Variants in SEL1L2 observed in about 807,000 individuals in gnomAD.
SEL1L2 encodes the protein protein sel-1 homolog 2.
A neutral mutation model predicts 98.8 loss-of-function variants in SEL1L2; 89 were observed. The observed-to-expected ratio is 0.90, with a 90% CI of 0.76 to 1.07. The LOEUF is 1.07. Ranked by LOEUF, SEL1L2 falls within the 50% of genes least tolerant of loss-of-function variation. SEL1L2 has a pLI of 0.00. For synonymous variants in SEL1L2, 262 were observed against 278.5 expected (o/e 0.94, Z 0.59); for missense variants, 788 against 812.0 (o/e 0.97, Z 0.36).
chr20:13,859,649 T>C (rs897160253), intron 17 of SEL1L2, among the ~76,000 whole-genome samples: 1 of 152,226 alleles, frequency 6.6e-6, no homozygotes, highest in African/African-American at 2.4e-5. Context: ...CTGTTTTCAT[T>C]ATAGCGTAAC....
chr20:13,915,147 G>A (rs967110360), intron 4 of SEL1L2: 2 of 1,289,738 alleles, frequency 1.6e-6, no homozygotes, highest in South Asian at 2.5e-5. Flanking sequence ...TCCATGCTGA[G>A]GCTAAAATAA....
intron 18 of SEL1L2, among the ~76,000 whole-genome samples, chr20:13,857,749 G>C (rs1246191819): frequency 6.6e-6 from 1 of 152,156 alleles, no homozygotes; most frequent in Non-Finnish European, 1.5e-5. Flanking sequence ...GTAGAGAAAG[G>C]CTTTAATCTT....
In SEL1L2 at chr20:13,938,994, A is replaced by T. The variant is rs368716991; in HGVS notation, c.115-7223T>A. 4.5e-5 allele frequency among the ~76,000 whole-genome samples: 6 copies of T among 132,602 alleles called. No individual in the cohort carries two copies. The East Asian group carries it at 8.7e-4, about 19-fold the overall frequency. The allele number at this position is 132,602 out of a possible 152,430, so 87.0% of individuals were successfully genotyped here. Reference sequence around the variant, plus strand: ...GAAATCAGTAAACATCATTTGTTTTATTGAAATATAGTGGGTTTTTTCTTT... The same window carrying T: ...GAAATCAGTAAACATCATTTGTTTTTTTGAAATATAGTGGGTTTTTTCTTT... On this transcript the variant is annotated intron_variant, in intron 2 of 19. Transcript: ENST00000284951.
intron 5 of SEL1L2, among the ~76,000 whole-genome samples, chr20:13,909,083 T>C (rs2048106480): frequency 6.6e-6 from 1 of 152,214 alleles, no homozygotes; most frequent in African/African-American, 2.4e-5. Context: ...GTAGATGTCT[T>C]CATTCTCTCT....
intron 1 of SEL1L2, among the ~76,000 whole-genome samples, chr20:13,987,311 GTTTT>G (rs67919960): frequency 9.5e-4 from 125 of 132,218 alleles, no homozygotes; most frequent in Non-Finnish European, 1.4e-3. Context: ...TTAATTTACT[GTTTT>G]TTTTTTTTTT....
intron 5 of SEL1L2, among the ~76,000 whole-genome samples, chr20:13,900,217 A>T (rs1339040832): frequency 2.0e-5 from 3 of 152,070 alleles, no homozygotes; most frequent in Non-Finnish European, 2.9e-5. Flanking sequence ...GGAGGAACTG[A>T]TTTATATTTT....
intron 10 of SEL1L2, among the ~76,000 whole-genome samples, chr20:13,881,159 G>A (rs1319437526): frequency 6.6e-6 from 1 of 152,210 alleles, no homozygotes; most frequent in African/African-American, 2.4e-5. Context: ...GACTACAGGC[G>A]TGCACCACCA....
intron 17 of SEL1L2, among the ~76,000 whole-genome samples, chr20:13,864,296 T>TC (rs1413025051): frequency 6.6e-6 from 1 of 152,230 alleles, no homozygotes; most frequent in Non-Finnish European, 1.5e-5. Flanking sequence ...TTCCTATGCT[T>TC]CATATTAGTG....
chr20:13,906,014 A>T (rs1245976875), intron 5 of SEL1L2, among the ~76,000 whole-genome samples: 2 of 151,602 alleles, frequency 1.3e-5, no homozygotes, highest in Non-Finnish European at 2.9e-5. Flanking sequence ...GGCTGGGATT[A>T]CAAGCATGCA....
At chr20:13,950,475 G>A (rs1393257860) in intron 2 of SEL1L2, among the ~76,000 whole-genome samples, 1 of 152,098 alleles carries the variant, frequency 6.6e-6, no homozygotes, top group Non-Finnish European at 1.5e-5. Context: ...GGGGAACAAT[G>A]AGCAGTAAAA....
At chr20:13,860,742 T>G (rs980713729) in intron 17 of SEL1L2, among the ~76,000 whole-genome samples, 1 of 152,150 alleles carries the variant, frequency 6.6e-6, no homozygotes, top group African/African-American at 2.4e-5. Context: ...TGACCTTGTT[T>G]CGTTCCATTG....
chr20:13,871,740 A>C (rs1389691449), intron 12 of SEL1L2, among the ~76,000 whole-genome samples: 1 of 150,442 alleles, frequency 6.6e-6, no homozygotes, highest in Non-Finnish European at 1.5e-5. Context: ...TCAAACTCCT[A>C]GCCTCAAGTG....
At chr20:13,885,587 C>T (rs2046912482) in intron 9 of SEL1L2, among the ~76,000 whole-genome samples, 184 bp from the exon 10 acceptor site, 1 of 152,192 alleles carries the variant, frequency 6.6e-6, no homozygotes, top group South Asian at 2.1e-4. Context: ...GGACATATGG[C>T]TTCCTTAGTG....
chr20:13,983,279 TC>T (rs917109459), intron 1 of SEL1L2, among the ~76,000 whole-genome samples: 11 of 151,886 alleles, frequency 7.2e-5, no homozygotes, highest in African/African-American at 2.7e-4. Flanking sequence ...AATAGTTATG[TC>T]CCCCTCAATA....
intron 1 of SEL1L2, among the ~76,000 whole-genome samples, chr20:13,969,901 C>T (rs1434225824): frequency 6.6e-6 from 1 of 152,148 alleles, no homozygotes; most frequent in Non-Finnish European, 1.5e-5. Context: ...CCTTCAATGA[C>T]CCATCATCCG....
At chr20:13,882,231 T>C (rs13044291) in intron 10 of SEL1L2, among the ~76,000 whole-genome samples, 13,548 of 152,240 alleles carry the variant, frequency 0.089, 705 homozygotes, top group African/African-American at 0.14. Context: ...ACTGGATTTA[T>C]CTTTGTATCT....
chr20:13,925,279 T>C (rs541650891), intron 3 of SEL1L2, among the ~76,000 whole-genome samples: 3 of 152,362 alleles, frequency 2.0e-5, no homozygotes, highest in African/African-American at 7.2e-5. Context: ...TGAGTTTCTG[T>C]TGCTTCTGTC....
upstream of SEL1L2, among the ~76,000 whole-genome samples, chr20:13,991,308 T>C (rs1241697383): frequency 1.3e-5 from 2 of 152,262 alleles, no homozygotes; most frequent in Non-Finnish European, 2.9e-5. Flanking sequence ...AGACATTTTA[T>C]TGTTTTGAAT....
intron 2 of SEL1L2, among the ~76,000 whole-genome samples, chr20:13,936,925 A>G (rs1006659622): frequency 5.9e-5 from 9 of 152,138 alleles, no homozygotes; most frequent in African/African-American, 1.9e-4. Flanking sequence ...AAATCAAACC[A>G]CTTTGTACAA....
Sources: gnomAD v4.1 joint callset for allele counts (sites outside exome capture counted in the v4.1 genomes callset) on GRCh38, gnomAD v4.1.1 for gene constraint, MANE v1.5 for transcripts, NCBI Gene and HGNC (gene_info 2026-07-23, HGNC 2026-07-21) for gene names.